Variants in DNAH11 observed in about 807,000 individuals in gnomAD.
DNAH11 encodes the protein dynein axonemal heavy chain 11.
In DNAH11, 442 loss-of-function variants were observed where a neutral mutation model predicts 526.0. The observed-to-expected ratio is 0.84, with a 90% CI of 0.78 to 0.91. DNAH11 has a LOEUF of 0.91. DNAH11 is among the 40% of genes least tolerant of loss of function. The pLI is 0.00. For synonymous variants in DNAH11, 2,461 were observed against 1,935.9 expected, an observed-to-expected ratio of 1.27 and a Z score of -7.12; for missense variants, 6,989 against 5,448.7, an observed-to-expected ratio of 1.28 and a Z score of -8.90.
intron 6 of DNAH11, among the ~76,000 whole-genome samples, chr7:21,569,240 A>G (rs1783785460): frequency 6.6e-6 from 1 of 152,202 alleles, no homozygotes; most frequent in Non-Finnish European, 1.5e-5. Context: ...ATCTTGAACA[A>G]CATTCTAAGC....
chr7:21,545,274 T>TAAAAAAAAAAAA lies in DNAH11; in HGVS notation c.495+136_495+147dup, dbSNP rs10634177. ...GGGAAGGGAAGGGGATGGGGGTGGT[T>TAAAAAAAAAAAA]AAAAAAAAAAAAAAAAAAAAAAGCT... On this transcript the variant is annotated intron_variant, in intron 2 of 81. Coordinates refer to ENST00000409508, the MANE Select transcript of DNAH11 (RefSeq NM_001277115.2). The TAAAAAAAAAAAA allele has an allele frequency of 4.0e-4, 53 of 131,788 alleles. 5 individuals carry two copies. Among genetic ancestry groups the TAAAAAAAAAAAA allele is most frequent in the African/African-American group, 1.9e-3 (35 of 18,360 alleles). 8.2% of individuals were successfully genotyped at this position (131,788 alleles called of 1,614,324 possible).
intron 28 of DNAH11, among the ~76,000 whole-genome samples, chr7:21,652,963 G>C (rs975613864): frequency 1.3e-5 from 2 of 152,024 alleles, no homozygotes; most frequent in African/African-American, 4.8e-5. Flanking sequence ...TGCAACCTCT[G>C]CCTCCCAGGT....
Position 21,687,369 on chromosome 7 carries a change from C to G in DNAH11, c.5779-13C>G. The G allele has an allele frequency of 6.3e-7, 1 of 1,596,664 alleles. No homozygotes were observed. The highest frequency in any genetic ancestry group is 8.5e-7 in the Non-Finnish European group (1 of 1,170,216). On this transcript the variant is annotated splice_polypyrimidine_tract_variant and intron_variant, in intron 33 of 81. Coordinates refer to ENST00000409508, the MANE Select transcript of DNAH11 (RefSeq NM_001277115.2). The stretch of plus-strand genomic sequence containing the variant: ...CTTCTGTTAAATTCTGAGTGCCTCA[C>G]TTTATCATTTAGTCCATAGGCAATA...
intron 70 of DNAH11, 69 bp downstream of exon 70, chr7:21,864,726 A>G: frequency 7.0e-7 from 1 of 1,436,374 alleles, no homozygotes; most frequent in Non-Finnish European, 9.3e-7. Context: ...CAGTGTTGAA[A>G]TGTAAACATT....
chr7:21,717,718 G>A (rs1318503890), intron 42 of DNAH11, 57 bp from the exon 43 acceptor site: 59 of 1,602,480 alleles, frequency 3.7e-5, no homozygotes, highest in Non-Finnish European at 4.9e-5. Context: ...TTGACTTGGT[G>A]AAATTCTGCT....
intron 34 of DNAH11, among the ~76,000 whole-genome samples, 172 bp from the exon 35 acceptor site, chr7:21,690,593 T>C (rs1420884185): frequency 6.6e-6 from 1 of 152,226 alleles, no homozygotes; most frequent in Non-Finnish European, 1.5e-5. Flanking sequence ...GTATTTTTAA[T>C]AAATATGCTT....
At chr7:21,726,773 G>T (rs1333585167) in intron 45 of DNAH11, among the ~76,000 whole-genome samples, 1 of 140,896 alleles carries the variant, frequency 7.1e-6, no homozygotes, top group Non-Finnish European at 1.5e-5. Context: ...AGGCAGGAGA[G>T]TCGCTTGAAC....
At chr7:21,638,197 C>T (rs754763016) in intron 27 of DNAH11, among the ~76,000 whole-genome samples, 32 of 152,102 alleles carry the variant, frequency 2.1e-4, no homozygotes, top group Non-Finnish European at 4.1e-4. Context: ...AATATTCTGG[C>T]TTTTGATTAA....
chr7:21,695,361 A>G (rs1783805054), intron 35 of DNAH11, among the ~76,000 whole-genome samples: 2 of 152,230 alleles, frequency 1.3e-5, no homozygotes, highest in Admixed American at 6.5e-5. Context: ...AGGCTGCAGT[A>G]TCCAAAACAG....
At chr7:21,762,818 T>C (rs1786981127) in intron 54 of DNAH11, among the ~76,000 whole-genome samples, 1 of 152,172 alleles carries the variant, frequency 6.6e-6, no homozygotes, top group Non-Finnish European at 1.5e-5. Context: ...GGCAATGATT[T>C]CTTTGACATG....
intron 65 of DNAH11, among the ~76,000 whole-genome samples, chr7:21,821,717 G>C (rs79444307): frequency 6.6e-6 from 1 of 151,964 alleles, no homozygotes; most frequent in African/African-American, 2.4e-5. Context: ...AAACATTACA[G>C]TTCTTCTCTT....
At chr7:21,635,817 A>G in intron 25 of DNAH11, 54 bp from the exon 26 acceptor site, 3 of 1,423,220 alleles carry the variant, frequency 2.1e-6, no homozygotes, top group Non-Finnish European at 1.9e-6. Flanking sequence ...CCCTCATAGC[A>G]CTCACATTCT....
intron 9 of DNAH11, 94 bp from the exon 10 acceptor site, chr7:21,587,970 T>C (rs1167597836): frequency 2.2e-5 from 26 of 1,191,768 alleles, no homozygotes; most frequent in Non-Finnish European, 2.7e-5. Flanking sequence ...TTCTAAACTT[T>C]AGTCATGTAA....
At chr7:21,784,721 C>A (rs1438776680) in intron 58 of DNAH11, among the ~76,000 whole-genome samples, 181 bp downstream of exon 58, 1 of 152,184 alleles carries the variant, frequency 6.6e-6, no homozygotes, top group African/African-American at 2.4e-5. Flanking sequence ...AGTTCAACTT[C>A]TTTTCCCCAT....
intron 45 of DNAH11, among the ~76,000 whole-genome samples, chr7:21,727,297 T>G (rs933394860): frequency 1.3e-5 from 2 of 152,148 alleles, no homozygotes; most frequent in African/African-American, 4.8e-5. Flanking sequence ...TGTAAAGAAA[T>G]AATAATTTTT....
At chr7:21,859,747 A>G (rs1162337240) in intron 68 of DNAH11, among the ~76,000 whole-genome samples, 2 of 152,072 alleles carry the variant, frequency 1.3e-5, no homozygotes, top group Non-Finnish European at 1.5e-5. Flanking sequence ...TTATATTTAT[A>G]TAGAGAGATA....
chr7:21,642,768 T>C (rs749529017), intron 28 of DNAH11, among the ~76,000 whole-genome samples: 7 of 152,210 alleles, frequency 4.6e-5, no homozygotes, highest in African/African-American at 1.2e-4. Flanking sequence ...CTGCAGTTAA[T>C]TGTGGAATGT....
chr7:21,685,519 A>G (rs1370010811), intron 32 of DNAH11, among the ~76,000 whole-genome samples: 1 of 152,220 alleles, frequency 6.6e-6, no homozygotes, highest in Non-Finnish European at 1.5e-5. Context: ...AATTGTTTAC[A>G]TTAACAAAAT....
intron 14 of DNAH11, among the ~76,000 whole-genome samples, chr7:21,591,901 G>C (rs138307499): frequency 1.3e-5 from 2 of 152,068 alleles, no homozygotes; most frequent in African/African-American, 4.8e-5. Flanking sequence ...TGACTGCCTC[G>C]TATGTGCCAA....
Sources: gnomAD v4.1 joint callset for allele counts (sites outside exome capture counted in the v4.1 genomes callset) on GRCh38, gnomAD v4.1.1 for gene constraint, MANE v1.5 for transcripts, NCBI Gene and HGNC (gene_info 2026-07-23, HGNC 2026-07-21) for gene names.